Variants in POGLUT3 observed in about 807,000 individuals in gnomAD.
POGLUT3 encodes KDEL (Lys-Asp-Glu-Leu) containing 2.
In POGLUT3, 48 loss-of-function variants were observed where a neutral mutation model predicts 54.3. The observed-to-expected ratio is 0.88, with a 90% CI of 0.70 to 1.12. POGLUT3 has a LOEUF of 1.12. POGLUT3 is among the 50% of genes most tolerant of loss of function. The pLI is 0.00. For synonymous variants in POGLUT3, 218 were observed against 237.4 expected (o/e 0.92, Z 0.75); for missense variants, 629 against 618.7 (o/e 1.02, Z -0.18).
chr11:108,497,830 C>T (rs893012938), intron 1 of POGLUT3, among the ~76,000 whole-genome samples: 2 of 152,232 alleles, frequency 1.3e-5, no homozygotes, highest in African/African-American at 2.4e-5. Context: ...CAATCCCTCA[C>T]AGTTCAGACA....
At chr11:108,480,028 G>C (rs2093589592) in intron 5 of POGLUT3, among the ~76,000 whole-genome samples, 1 of 152,016 alleles carries the variant, frequency 6.6e-6, no homozygotes, top group South Asian at 2.1e-4. Flanking sequence ...TAGAGACAGG[G>C]TTTCCCCATG....
At chr11:108,485,636 TTTTA>T (rs34832849) in intron 3 of POGLUT3, among the ~76,000 whole-genome samples, 5,478 of 140,360 alleles carry the variant, frequency 0.039, 137 homozygotes, top group African/African-American at 0.068. Flanking sequence ...CTTTATTCTA[TTTTA>T]TTTATTTATT....
Position 108,474,809 on chromosome 11 carries a change from G to A in POGLUT3, c.*18C>T, listed in dbSNP as rs1187770734. 1.2e-6 allele frequency: 2 copies of A among 1,613,768 alleles called. No homozygotes were observed. The highest frequency in any genetic ancestry group is 1.7e-4 in the Middle Eastern group (1 of 6,044). On this transcript the variant is annotated 3_prime_UTR_variant, in exon 8 of 8. Transcript: ENST00000323468. ...TAAAGTGTAGCCGGGATACACAGGA[G>A]TGTGATTCTGGGCTGACTCAAAGTT...
At chr11:108,494,078 A>G (rs1222216773) in intron 1 of POGLUT3, among the ~76,000 whole-genome samples, 1 of 152,212 alleles carries the variant, frequency 6.6e-6, no homozygotes, top group African/African-American at 2.4e-5. Flanking sequence ...CCTACAAGAA[A>G]TTTGAGGTAG....
intron 3 of POGLUT3, among the ~76,000 whole-genome samples, chr11:108,483,951 G>A (rs1253509349): frequency 6.6e-6 from 1 of 152,096 alleles, no homozygotes; most frequent in Non-Finnish European, 1.5e-5. Context: ...TGACAGGTGT[G>A]AGCCACCGTG....
intron 3 of POGLUT3, among the ~76,000 whole-genome samples, chr11:108,484,306 C>T (rs1290052713): frequency 1.3e-5 from 2 of 152,152 alleles, no homozygotes; most frequent in Non-Finnish European, 2.9e-5. Context: ...GGGAAGAGAG[C>T]ACTACCTTTA....
intron 3 of POGLUT3, among the ~76,000 whole-genome samples, chr11:108,482,453 T>C (rs1338838691): frequency 5.3e-5 from 8 of 152,116 alleles, no homozygotes; most frequent in Admixed American, 2.0e-4. Flanking sequence ...CAGAGATGCA[T>C]GTAAAATTCA....
chr11:108,482,815 G>A (rs544646422), intron 3 of POGLUT3, among the ~76,000 whole-genome samples: 2 of 152,162 alleles, frequency 1.3e-5, no homozygotes, highest in Admixed American at 1.3e-4. Context: ...GTGTAGAGAG[G>A]TAAGAATGAA....
intron 1 of POGLUT3, among the ~76,000 whole-genome samples, chr11:108,497,800 C>T (rs562061992): frequency 2.4e-4 from 37 of 152,340 alleles, no homozygotes; most frequent in South Asian, 8.3e-4. Context: ...TGATGACTCA[C>T]CACTGGAAAG....
At chr11:108,479,237 G>A (rs1411242624) in intron 6 of POGLUT3, 64 bp downstream of exon 6, 4 of 1,059,216 alleles carry the variant, frequency 3.8e-6, no homozygotes, top group Non-Finnish European at 5.5e-6. Flanking sequence ...GTATTGTGAT[G>A]GAACTCATCT....
At position 108,495,450 on chromosome 11, in the gene POGLUT3, G is replaced by T. The variant is rs145246433; in HGVS notation, c.202+2715C>A. On this transcript the variant is annotated intron_variant, in intron 1 of 7. Transcript: ENST00000323468. ...CCTCCCAAAGTGCTGAGATTACAAG[G>T]CATGAATAACCAGCTATTCAGTTGG... is the stretch of plus-strand genomic sequence containing the variant. 8.5e-4 allele frequency among the ~76,000 whole-genome samples: 129 copies of T among 152,308 alleles called. 1 individual carries two copies. The highest frequency in any genetic ancestry group is 2.9e-3 in the African/African-American group (120 of 41,574).
intron 2 of POGLUT3, among the ~76,000 whole-genome samples, chr11:108,489,851 C>T (rs933642438): frequency 1.1e-4 from 17 of 152,118 alleles, no homozygotes; most frequent in African/African-American, 4.1e-4. Flanking sequence ...GAGGCTGAGG[C>T]GGGAGGTTTG....
In POGLUT3 at chr11:108,485,707, G is replaced by C. The variant is rs111874582; in HGVS notation, c.684+450C>G. On this transcript the variant is annotated intron_variant, in intron 3 of 7. Transcript: ENST00000323468. ...GAGTCTCACTCTGTCACCCAGGTTG[G>C]AGTGCAGTGGCGCAATCTTGGCCCA... Among the ~76,000 whole-genome samples, 1,381 of 151,354 alleles carry C rather than the reference G, an allele frequency of 9.1e-3. 19 individuals carry two copies. The highest frequency in any genetic ancestry group is 0.031 in the African/African-American group (1,294 of 41,194).
rs768050765 is a variant in POGLUT3 at position 108,498,263 on chromosome 11, C to A, written c.104G>T (p.Trp35Leu). 2 of 1,498,736 alleles carry A rather than the reference C, an allele frequency of 1.3e-6. No homozygotes were observed. The highest frequency in any genetic ancestry group is 2.5e-5 in the South Asian group (2 of 78,986). The allele number at this position is 1,498,736 out of a possible 1,614,324, so 92.8% of individuals were successfully genotyped here. A position where few individuals can be genotyped will look rare whatever the true frequency, so the allele number is the denominator to read the frequency against. ...GACGGCCGCCTGCAGCCCGGGCCCC[C>A]ACACCAGGCTCCGCGGCGCGCTGAC... ...VLVSAPRSLV[W>L]GPGLQAAVVL... Residue 35 changes from tryptophan (W) to leucine (L), a missense_variant, in exon 1 of 8, where the codon TGG becomes TTG. Physicochemically the swap from Trp to Leu is moderately conservative, Grantham distance 61. Coordinates refer to ENST00000323468, the MANE Select transcript of POGLUT3 (RefSeq NM_153705.5).
chr11:108,497,121 A>C (rs528462543), intron 1 of POGLUT3, among the ~76,000 whole-genome samples: 2 of 152,374 alleles, frequency 1.3e-5, no homozygotes, highest in South Asian at 4.1e-4. Context: ...GTCTTTGACC[A>C]ACAGACTGTA....
intron 7 of POGLUT3, among the ~76,000 whole-genome samples, chr11:108,476,618 T>A (rs1212725643): frequency 6.6e-6 from 1 of 152,206 alleles, no homozygotes; most frequent in Non-Finnish European, 1.5e-5. Context: ...TTACTATGCC[T>A]ACAGAAAAAT....
chr11:108,488,929 G>A (rs2093608410), intron 2 of POGLUT3, among the ~76,000 whole-genome samples: 1 of 152,140 alleles, frequency 6.6e-6, no homozygotes, highest in African/African-American at 2.4e-5. Context: ...GTATGCAGAA[G>A]GGTATTACCT....
chr11:108,481,418 G>T, intron 4 of POGLUT3, 42 bp from the exon 5 acceptor site: 1 of 1,471,028 alleles, frequency 6.8e-7, no homozygotes, highest in South Asian at 1.4e-5. Context: ...TTATGAATTT[G>T]ACATTTTAAT....
Position 108,498,294 on chromosome 11 carries a change from C to G in POGLUT3, c.73G>C (p.Val25Leu). 3 of 1,463,832 alleles carry G rather than the reference C, an allele frequency of 2.0e-6. No individual in the cohort carries two copies. Among genetic ancestry groups the G allele is most frequent in the Non-Finnish European group, 2.7e-6 (3 of 1,105,180 alleles). The allele number at this position is 1,463,832 out of a possible 1,614,324, so 90.7% of individuals were successfully genotyped here. ...AGGCTCCGCGGCGCGCTGACCAGCA[C>G]CTCCGGGGCCCCCGCGGCCACCAGC... ...ALLVAAGAPEVLVSAPRSLVW... is the reference protein window; with the variant it reads ...ALLVAAGAPELLVSAPRSLVW... Residue 25 changes from valine to leucine, a missense_variant, in exon 1 of 8, where the codon GTG becomes CTG. Physicochemically the swap from Val to Leu is conservative, Grantham distance 32 (BLOSUM62 1). Transcript: ENST00000323468.
Sources: gnomAD v4.1 joint callset for allele counts (sites outside exome capture counted in the v4.1 genomes callset) on GRCh38, gnomAD v4.1.1 for gene constraint, MANE v1.5 for transcripts, NCBI Gene and HGNC (gene_info 2026-07-23, HGNC 2026-07-21) for gene names.